Variants in METTL15 observed in about 807,000 individuals in gnomAD.
METTL15 encodes 12S rRNA N(4)-cytidine methyltransferase METTL15.
Under a neutral mutation model 38.3 loss-of-function variants are expected in METTL15, and 34 were observed. The ratio of observed to expected loss-of-function variants is 0.89; its 90% confidence interval spans 0.68 to 1.18. The LOEUF is 1.18. Among genes scored for constraint, METTL15 ranks in the 50% most tolerant of loss-of-function variants. The probability of loss-of-function intolerance (pLI) is 0.00; values close to 1 mark genes in which losing one functional copy is unlikely to be tolerated. For synonymous variants in METTL15, 162 were observed against 170.9 expected, an observed-to-expected ratio of 0.95 and a Z score of 0.41; for missense variants, 438 against 498.4, an observed-to-expected ratio of 0.88 and a Z score of 1.15.
intron 4 of METTL15, among the ~76,000 whole-genome samples, chr11:28,289,719 GCACCCTATTC>G (rs980811719): frequency 2.6e-5 from 4 of 152,096 alleles, no homozygotes; most frequent in Admixed American, 2.6e-4. Context: ...TAGCTGCATA[GCACCCTATTC>G]TAATTTATAG....
chr11:28,271,064 T>C (rs377114306), intron 4 of METTL15, among the ~76,000 whole-genome samples: 104 of 152,296 alleles, frequency 6.8e-4, no homozygotes, highest in African/African-American at 2.3e-3. Flanking sequence ...CAAAAATCAC[T>C]GAATGTGAGC....
At chr11:28,484,190 A>G (rs1456186105) in intron 6 of METTL15, among the ~76,000 whole-genome samples, 1 of 152,206 alleles carries the variant, frequency 6.6e-6, no homozygotes, top group Non-Finnish European at 1.5e-5. Flanking sequence ...TTTATTCCTT[A>G]TTCAATTCTC....
At chr11:28,119,276 A>G (rs1189572323) in intron 3 of METTL15, among the ~76,000 whole-genome samples, 5 of 152,184 alleles carry the variant, frequency 3.3e-5, no homozygotes, top group Admixed American at 3.3e-4. Context: ...TGTCTTGCTT[A>G]CCATTATATC....
chr11:28,370,874 C>G (rs1208010797), intron 5 of METTL15, among the ~76,000 whole-genome samples: 1 of 151,898 alleles, frequency 6.6e-6, no homozygotes, highest in Non-Finnish European at 1.5e-5. Flanking sequence ...TATTGAATGT[C>G]TTTTGCCCAT....
intron 3 of METTL15, among the ~76,000 whole-genome samples, chr11:28,347,722 A>G (rs1590340919): frequency 6.6e-6 from 1 of 152,164 alleles, no homozygotes; most frequent in African/African-American, 2.4e-5. Context: ...CCAACTCACT[A>G]TAGTACCCGG....
At chr11:28,216,235 C>T (rs913540224) in intron 4 of METTL15, among the ~76,000 whole-genome samples, 1 of 151,648 alleles carries the variant, frequency 6.6e-6, no homozygotes, top group Non-Finnish European at 1.5e-5. Context: ...TATAAGATTA[C>T]ACTATAAAAT....
chr11:28,125,495 T>G (rs989103007), intron 3 of METTL15: 4 of 151,704 alleles, frequency 2.6e-5, no homozygotes, highest in Admixed American at 6.6e-5. Flanking sequence ...TTTTGTTTCA[T>G]TTTTTTTATT....
chr11:28,503,350 G>A (rs1851600164), intron 6 of METTL15, among the ~76,000 whole-genome samples: 1 of 152,222 alleles, frequency 6.6e-6, no homozygotes, highest in Non-Finnish European at 1.5e-5. Context: ...TCCAGGTAAG[G>A]ACATAGTGAG....
At chr11:28,491,088 A>G (rs1285978577) in intron 6 of METTL15, among the ~76,000 whole-genome samples, 2 of 152,152 alleles carry the variant, frequency 1.3e-5, no homozygotes, top group Non-Finnish European at 2.9e-5. Context: ...ACTTTTTAAT[A>G]TATAGGACTG....
intron 5 of METTL15, among the ~76,000 whole-genome samples, chr11:28,389,234 C>CT (rs57711814): frequency 0.98 from 147,120 of 149,664 alleles, 72,328 homozygotes; most frequent in Middle Eastern, 1. Context: ...ATTTCTAGTT[C>CT]TTTTTTTTTA....
At chr11:28,209,016 G>T (rs1306571159) in intron 3 of METTL15, among the ~76,000 whole-genome samples, 1 of 151,808 alleles carries the variant, frequency 6.6e-6, no homozygotes, top group African/African-American at 2.4e-5. Context: ...TGTTACACTT[G>T]ACTGGTAGTA....
chr11:28,109,830 A>G (rs1281497585), intron 1 of METTL15, among the ~76,000 whole-genome samples: 1 of 152,236 alleles, frequency 6.6e-6, no homozygotes, highest in Non-Finnish European at 1.5e-5. Context: ...AACAGTGTTC[A>G]GATGATGAGG....
chr11:28,132,102 C>G (rs1228369258), intron 3 of METTL15, among the ~76,000 whole-genome samples: 1 of 152,144 alleles, frequency 6.6e-6, no homozygotes, highest in African/African-American at 2.4e-5. Flanking sequence ...TTTCTAGTTT[C>G]AATATCTTTC....
intron 4 of METTL15, among the ~76,000 whole-genome samples, chr11:28,250,351 G>A (rs1176477765): frequency 6.6e-6 from 1 of 152,010 alleles, no homozygotes; most frequent in Non-Finnish European, 1.5e-5. Context: ...CAGTGTATAA[G>A]CATTTCCTTT....
chr11:28,267,854 G>C (rs1245118038), intron 4 of METTL15, among the ~76,000 whole-genome samples: 1 of 152,162 alleles, frequency 6.6e-6, no homozygotes, highest in Non-Finnish European at 1.5e-5. Context: ...GTATATGGAT[G>C]AATTTATATG....
intron 3 of METTL15, among the ~76,000 whole-genome samples, chr11:28,206,349 A>G (rs1461540960): frequency 6.6e-6 from 1 of 152,102 alleles, no homozygotes; most frequent in Non-Finnish European, 1.5e-5. Context: ...TCCCAGCACC[A>G]TTTATTAAAT....
At chr11:28,390,647 T>C (rs1320351947) in intron 5 of METTL15, among the ~76,000 whole-genome samples, 1 of 152,238 alleles carries the variant, frequency 6.6e-6, no homozygotes, top group African/African-American at 2.4e-5. Flanking sequence ...TAGTATAGTT[T>C]GAAGTCAGGT....
chr11:28,467,934 C>G (rs185429939), intron 6 of METTL15, among the ~76,000 whole-genome samples: 1 of 152,232 alleles, frequency 6.6e-6, no homozygotes, highest in East Asian at 1.9e-4. Context: ...TGTCGCACTT[C>G]CCCATTCTAA....
At chr11:28,317,415 A>G (rs1173509945) in intron 6 of METTL15, among the ~76,000 whole-genome samples, 1 of 152,142 alleles carries the variant, frequency 6.6e-6, no homozygotes, top group Non-Finnish European at 1.5e-5. Context: ...GACTTATTAA[A>G]TGTGATGGAA....
Sources: allele counts gnomAD v4.1 joint callset (sites outside exome capture counted in the v4.1 genomes callset), GRCh38; gene constraint gnomAD v4.1.1; transcripts MANE v1.5; gene names NCBI Gene and HGNC (gene_info 2026-07-23, HGNC 2026-07-21).